Variants in KHDRBS2 observed in about 807,000 individuals in gnomAD.
KHDRBS2 encodes KH RNA binding domain containing, signal transduction associated 2, also known as KH domain-containing, RNA-binding, signal transduction-associated protein 2.
KHDRBS2 carries 26 observed loss-of-function variants against 44.3 expected under a neutral mutation model. That is an observed-to-expected ratio of 0.59 (90% CI 0.43 to 0.81). KHDRBS2 has a LOEUF of 0.81. Ranked by LOEUF, KHDRBS2 falls within the 40% of genes least tolerant of loss-of-function variation. The probability of loss-of-function intolerance (pLI) is 0.00; values close to 1 mark genes in which losing one functional copy is unlikely to be tolerated. For missense variants in KHDRBS2, 476 were observed against 433.1 expected, an observed-to-expected ratio of 1.10 and a Z score of -0.88; for synonymous variants, 194 against 151.1, an observed-to-expected ratio of 1.28 and a Z score of -2.08.
chr6:61,829,145 T>C (rs1028504798), intron 6 of KHDRBS2, among the ~76,000 whole-genome samples: 1 of 152,184 alleles, frequency 6.6e-6, no homozygotes, highest in Non-Finnish European at 1.5e-5. Context: ...GTGTGTGTAG[T>C]TGGGATTGAG....
At chr6:61,641,226 G>A in the KHDRBS2 span, among the ~76,000 whole-genome samples, 351 of 152,202 alleles carry the variant, frequency 2.3e-3, 2 homozygotes, top group African/African-American at 8.2e-3. Context: ...ACTATGGGGT[G>A]CTTTTAGGTT....
At chr6:62,035,630 C>T (rs1785147410) in intron 3 of KHDRBS2, among the ~76,000 whole-genome samples, 1 of 151,904 alleles carries the variant, frequency 6.6e-6, no homozygotes, top group African/African-American at 2.4e-5. Context: ...TACATTTAAA[C>T]ATAACTAAAA....
In KHDRBS2 at chr6:61,681,636, A is replaced by G. The variant is rs534780927; in HGVS notation, c.953-576T>C. On this transcript the variant is annotated intron_variant, in intron 8 of 8. Transcript: ENST00000281156. ...AAACCTTAAGCAGCAAAATCAGTAA[A>G]CAAAACAAAACACAAAGATATCAGT... is the stretch of plus-strand genomic sequence containing the variant. 4.1e-4 allele frequency among the ~76,000 whole-genome samples: 40 copies of G among 98,722 alleles called. No homozygotes were observed. In the East Asian group the frequency reaches 4.8e-3, roughly 12 times the overall value. The allele number at this position is 98,722 out of a possible 152,430, so 64.8% of individuals were successfully genotyped here.
At chr6:61,797,284 A>C (rs4710491) in intron 6 of KHDRBS2, among the ~76,000 whole-genome samples, 4,477 of 152,162 alleles carry the variant, frequency 0.029, 273 homozygotes, top group East Asian at 0.23. Flanking sequence ...CCACCTTTGC[A>C]TAATGGCATT....
At chr6:61,574,174 C>T in the KHDRBS2 span, among the ~76,000 whole-genome samples, 13 of 152,250 alleles carry the variant, frequency 8.5e-5, no homozygotes, top group Non-Finnish European at 1.5e-4. Flanking sequence ...AGGAACTCGG[C>T]AAATCTTACC....
intron 1 of KHDRBS2, among the ~76,000 whole-genome samples, chr6:62,192,142 T>A (rs1824761574): frequency 1.3e-5 from 2 of 152,032 alleles, no homozygotes; most frequent in African/African-American, 4.8e-5. Context: ...ATTCAATATA[T>A]CTGATCAATC....
In KHDRBS2 at chr6:61,781,758, C is replaced by G. The variant is rs191526995; in HGVS notation, c.811-48994G>C. Among the ~76,000 whole-genome samples, 274 of 152,190 alleles carry G rather than the reference C, an allele frequency of 1.8e-3. 1 individual carries two copies. Among genetic ancestry groups the G allele is most frequent in the African/African-American group, 6.1e-3 (254 of 41,518 alleles). ...TTTTCATCATCCACTCCTTCCCTCC[C>G]GAAAATTTTGGAACTGGAGGGTAGA... On this transcript the variant is annotated intron_variant, in intron 6 of 8. Coordinates refer to ENST00000281156, the MANE Select transcript of KHDRBS2 (RefSeq NM_152688.4).
At chr6:62,177,124 T>G in intron 2 of KHDRBS2, 61 bp downstream of exon 2, 1 of 988,684 alleles carries the variant, frequency 1.0e-6, no homozygotes, top group Middle Eastern at 2.8e-4. Flanking sequence ...ATAATTAAAA[T>G]ACCGTCTTCT....
intron 6 of KHDRBS2, among the ~76,000 whole-genome samples, chr6:61,776,079 G>T (rs56660334): frequency 0.64 from 96,343 of 151,098 alleles, 31,342 homozygotes; most frequent in African/African-American, 0.78. Context: ...GGGAAAACTG[G>T]CTAGCCATAT....
intron 2 of KHDRBS2, among the ~76,000 whole-genome samples, chr6:62,169,699 G>A (rs1234301864): frequency 6.6e-6 from 1 of 152,012 alleles, no homozygotes; most frequent in Non-Finnish European, 1.5e-5. Flanking sequence ...ACTAGGGATG[G>A]GAAAATGCCC....
At chr6:61,894,606 C>G in intron 6 of KHDRBS2, 29 bp downstream of exon 6, 1 of 1,576,324 alleles carries the variant, frequency 6.3e-7, no homozygotes. Flanking sequence ...TTAACTCATC[C>G]TTACAACTTA....
intron 6 of KHDRBS2, among the ~76,000 whole-genome samples, chr6:61,841,471 A>G (rs1236444292): frequency 6.6e-6 from 1 of 152,214 alleles, no homozygotes; most frequent in Non-Finnish European, 1.5e-5. Context: ...AGTAAACAAG[A>G]TGCAGAAGAT....
intron 2 of KHDRBS2, among the ~76,000 whole-genome samples, chr6:62,116,764 G>A (rs575670760): frequency 6.2e-4 from 94 of 151,344 alleles, no homozygotes; most frequent in African/African-American, 1.4e-3. Flanking sequence ...TCTTTTCTGC[G>A]CCCTCCCACC....
At chr6:61,733,273 C>G (rs372181719) in intron 6 of KHDRBS2, among the ~76,000 whole-genome samples, 4 of 151,994 alleles carry the variant, frequency 2.6e-5, no homozygotes, top group African/African-American at 9.7e-5. Context: ...AAAGAGGGAA[C>G]TAAAAAGGAA....
chr6:62,277,427 C>T (rs1841119892), intron 1 of KHDRBS2, among the ~76,000 whole-genome samples: 1 of 152,040 alleles, frequency 6.6e-6, no homozygotes, highest in African/African-American at 2.4e-5. Context: ...CTGCAACCTC[C>T]ACCTCCCGGG....
At chr6:61,579,918 GT>G in the KHDRBS2 span, among the ~76,000 whole-genome samples, 3 of 149,762 alleles carry the variant, frequency 2.0e-5, no homozygotes, top group Non-Finnish European at 4.4e-5. Context: ...TTAGCCAGGT[GT>G]GGTGGCACAT....
At chr6:61,781,777 G>A (rs535820466) in intron 6 of KHDRBS2, among the ~76,000 whole-genome samples, 1 of 152,220 alleles carries the variant, frequency 6.6e-6, no homozygotes, top group East Asian at 1.9e-4. Context: ...TGGAACTGGA[G>A]GGTAGACGTT....
the KHDRBS2 span, among the ~76,000 whole-genome samples, chr6:61,673,078 T>G: frequency 6.6e-6 from 1 of 151,802 alleles, no homozygotes; most frequent in African/African-American, 2.4e-5. Flanking sequence ...TAGCCAGTTT[T>G]CCCAGCACCA....
the KHDRBS2 span, among the ~76,000 whole-genome samples, chr6:61,622,743 A>C: frequency 7.9e-5 from 12 of 152,074 alleles, no homozygotes; most frequent in African/African-American, 2.2e-4. Flanking sequence ...AACCAAACAG[A>C]GGATTGTATT....
Sources: gnomAD v4.1 joint callset for allele counts (sites outside exome capture counted in the v4.1 genomes callset) on GRCh38, gnomAD v4.1.1 for gene constraint, MANE v1.5 for transcripts, NCBI Gene and HGNC (gene_info 2026-07-23, HGNC 2026-07-21) for gene names.